The following ENAH variants were observed in gnomAD, a reference collection of about 807,000 sequenced individuals.
ENAH encodes the protein ENAH actin regulator.
In ENAH, 23 loss-of-function variants were observed where a neutral mutation model predicts 78.7. The observed-to-expected ratio is 0.29, with a 90% CI of 0.21 to 0.41. ENAH has a LOEUF of 0.41. ENAH is among the 10% of genes least tolerant of loss of function. The pLI, the probability that ENAH is intolerant of heterozygous loss-of-function variation, is 1.00. For missense variants in ENAH, 544 were observed against 691.0 expected (o/e 0.79, Z 2.39); for synonymous variants, 226 against 241.0 (o/e 0.94, Z 0.58).
At chr1:225,535,504 T>C (rs2096557536) in intron 3 of ENAH, 1 of 1,302,498 alleles carries the variant, frequency 7.7e-7, no homozygotes, top group Admixed American at 2.3e-5. Context: ...TAATGTTGCT[T>C]ACCACAGAAA....
intron 1 of ENAH, among the ~76,000 whole-genome samples, chr1:225,636,936 G>A (rs1660166688): frequency 6.6e-6 from 1 of 152,102 alleles, no homozygotes; most frequent in Non-Finnish European, 1.5e-5. Flanking sequence ...AGACAAACCA[G>A]AAGAGGAAAC....
chr1:225,552,570 A>T (rs1232074414), intron 3 of ENAH, among the ~76,000 whole-genome samples: 1 of 152,230 alleles, frequency 6.6e-6, no homozygotes. Flanking sequence ...GACTATTTAG[A>T]ACTTAGCCAT....
At chr1:225,578,297 T>G (rs954850632) in intron 1 of ENAH, among the ~76,000 whole-genome samples, 1 of 152,022 alleles carries the variant, frequency 6.6e-6, no homozygotes, top group Non-Finnish European at 1.5e-5. Context: ...TGAGACTCTG[T>G]CTCCACAAGA....
At chr1:225,515,178 G>A in intron 6 of ENAH, 4 of 380,950 alleles carry the variant, frequency 1.1e-5, no homozygotes, top group South Asian at 4.5e-5. Context: ...ATGGGGATTT[G>A]GTAAATAAGC....
At chr1:225,642,605 G>A (rs900672404) in intron 1 of ENAH, among the ~76,000 whole-genome samples, 1 of 152,132 alleles carries the variant, frequency 6.6e-6, no homozygotes, top group Non-Finnish European at 1.5e-5. Flanking sequence ...AGGAGTTCGA[G>A]GTTGCAGTAA....
At chr1:225,637,260 T>C (rs1660229492) in intron 1 of ENAH, among the ~76,000 whole-genome samples, 1 of 152,078 alleles carries the variant, frequency 6.6e-6, no homozygotes, top group East Asian at 1.9e-4. Context: ...CAGGCTGGAG[T>C]GAAGTGGTGC....
chr1:225,545,388 A>G (rs1045857300), intron 3 of ENAH, among the ~76,000 whole-genome samples: 3 of 152,218 alleles, frequency 2.0e-5, no homozygotes, highest in Admixed American at 6.5e-5. Flanking sequence ...ATTCCTAACA[A>G]TTATTAAAGA....
At chr1:225,624,636 CAAATAAATAAAT>C (rs57242435) in intron 1 of ENAH, among the ~76,000 whole-genome samples, 1 of 150,248 alleles carries the variant, frequency 6.7e-6, no homozygotes, top group Non-Finnish European at 1.5e-5. Flanking sequence ...AATCAATCAA[CAAATAAATAAAT>C]AAATAAATAA....
At chr1:225,590,082 AACACACACACAC>A (rs3050220) in intron 1 of ENAH, among the ~76,000 whole-genome samples, 3,790 of 131,494 alleles carry the variant, frequency 0.029, 54 homozygotes, top group Non-Finnish European at 0.038. Context: ...CTCATCACTC[AACACACACACAC>A]ACACACACAC....
intron 1 of ENAH, among the ~76,000 whole-genome samples, chr1:225,635,592 C>T (rs1659914241): frequency 6.6e-6 from 1 of 152,154 alleles, no homozygotes; most frequent in South Asian, 2.1e-4. Context: ...GGTCCATACT[C>T]AAAGAGGAAA....
At chr1:225,651,977 A>G (rs1453786848) in intron 1 of ENAH, among the ~76,000 whole-genome samples, 1 of 152,198 alleles carries the variant, frequency 6.6e-6, no homozygotes, top group African/African-American at 2.4e-5. Context: ...AGTACAGAGC[A>G]AAGGGAAAAA....
At position 225,492,409 on chromosome 1, in the gene ENAH, A is replaced by T. The variant is rs533203847; in HGVS notation, c.*5366T>A. 6.6e-6 allele frequency: 1 copy of T among 152,278 alleles called. No homozygotes were observed. The highest frequency in any genetic ancestry group is 6.5e-5 in the Admixed American group (1 of 15,298). 9.4% of individuals were successfully genotyped at this position (152,278 alleles called of 1,614,324 possible). On this transcript the variant is annotated 3_prime_UTR_variant, in exon 14 of 14. Transcript: ENST00000366843. Reference sequence around the variant, plus strand: ...ATATGTCTTTAAAAACTGAGGAAAAAGAACAGCACTACTCAAATGGTATAT... The same window carrying T: ...ATATGTCTTTAAAAACTGAGGAAAATGAACAGCACTACTCAAATGGTATAT...
chr1:225,517,086 T>A, intron 6 of ENAH, 110 bp downstream of exon 6: 1 of 833,344 alleles, frequency 1.2e-6, no homozygotes. Context: ...TTATGGCATA[T>A]AAATGTTCAA....
chr1:225,592,746 T>A (rs1234362144), intron 1 of ENAH, among the ~76,000 whole-genome samples: 3 of 152,218 alleles, frequency 2.0e-5, no homozygotes, highest in Non-Finnish European at 4.4e-5. Context: ...GTTTTACTAT[T>A]ATCCTAAGGA....
At chr1:225,601,727 T>C (rs1217331192) in intron 1 of ENAH, among the ~76,000 whole-genome samples, 2 of 151,838 alleles carry the variant, frequency 1.3e-5, no homozygotes, top group Non-Finnish European at 2.9e-5. Flanking sequence ...TCTGATATAA[T>C]ACAATGAACT....
intron 11 of ENAH, among the ~76,000 whole-genome samples, chr1:225,503,945 C>G (rs2096305123): frequency 6.6e-6 from 1 of 151,224 alleles, no homozygotes; most frequent in Admixed American, 6.6e-5. Context: ...TCAGTTATTT[C>G]TAACCTATGG....
At chr1:225,596,776 G>A (rs1029777586) in intron 1 of ENAH, among the ~76,000 whole-genome samples, 1 of 152,148 alleles carries the variant, frequency 6.6e-6, no homozygotes, top group Non-Finnish European at 1.5e-5. Context: ...ATCATAATCA[G>A]GCAACACAGG....
chr1:225,610,909 A>G (rs960108616), intron 1 of ENAH, among the ~76,000 whole-genome samples: 1 of 152,202 alleles, frequency 6.6e-6, no homozygotes, highest in Non-Finnish European at 1.5e-5. Context: ...ATAAACTAGT[A>G]TTTCACACAA....
intron 1 of ENAH, among the ~76,000 whole-genome samples, chr1:225,574,432 C>T (rs2096777699): frequency 6.6e-6 from 1 of 152,046 alleles, no homozygotes; most frequent in African/African-American, 2.4e-5. Context: ...AAAATCCCAT[C>T]TCTACTAAAA....
Sources: gnomAD v4.1 joint callset for allele counts (sites outside exome capture counted in the v4.1 genomes callset) on GRCh38, gnomAD v4.1.1 for gene constraint, MANE v1.5 for transcripts, NCBI Gene and HGNC (gene_info 2026-07-23, HGNC 2026-07-21) for gene names.